Variants in COBL observed in about 807,000 individuals in gnomAD.
COBL encodes the protein cordon-bleu WH2 repeat protein, also known as protein cordon-bleu.
Under a neutral mutation model 98.8 loss-of-function variants are expected in COBL, and 51 were observed. The ratio of observed to expected loss-of-function variants is 0.52; its 90% CI spans 0.41 to 0.65. The LOEUF (loss-of-function observed/expected upper bound fraction) is 0.65, where lower values mean the gene tolerates loss of function less well. Among genes scored for constraint, COBL ranks in the 30% least tolerant of loss-of-function variants. The probability of loss-of-function intolerance (pLI) is 0.00; values close to 1 mark genes in which losing one functional copy is unlikely to be tolerated. For missense variants in COBL, 1,617 were observed against 1,617.5 expected, an observed-to-expected ratio of 1.00 and a Z score of 0.01; for synonymous variants, 634 against 651.7, an observed-to-expected ratio of 0.97 and a Z score of 0.41.
intron 6 of COBL, among the ~76,000 whole-genome samples, chr7:51,133,245 GAGA>G (rs1408146258): frequency 6.6e-6 from 1 of 152,188 alleles, no homozygotes; most frequent in East Asian, 1.9e-4. Flanking sequence ...GGGTCCCAGT[GAGA>G]AGGAGTGGAC....
Position 51,054,609 on chromosome 7 carries a change from G to A in COBL, c.1097-10917C>T, listed in dbSNP as rs199897039. Among the ~76,000 whole-genome samples the A allele has an allele frequency of 9.2e-5, 14 of 152,216 alleles. No homozygotes were observed. In the East Asian group the frequency reaches 1.2e-3, roughly 13 times the overall value. On this transcript the variant is annotated intron_variant, in intron 7 of 12. Coordinates refer to ENST00000265136, the MANE Select transcript of COBL (RefSeq NM_015198.5). Reference sequence around the variant, plus strand: ...GCTGTGGGCCCCGTTCCTCTCTGCCGCTTGGCCAGGGGCCCTCGGAACCCC... The same window carrying A: ...GCTGTGGGCCCCGTTCCTCTCTGCCACTTGGCCAGGGGCCCTCGGAACCCC...
chr7:51,148,323 C>T (rs548863182), intron 5 of COBL, among the ~76,000 whole-genome samples: 21 of 152,250 alleles, frequency 1.4e-4, no homozygotes, highest in African/African-American at 2.4e-4. Context: ...TCACAGCTCA[C>T]GCTCCACCTC....
At chr7:51,281,754 C>A (rs1010078543) in intron 1 of COBL, among the ~76,000 whole-genome samples, 12 of 151,932 alleles carry the variant, frequency 7.9e-5, no homozygotes, top group Admixed American at 7.9e-4. Context: ...GAATTCACTG[C>A]CAGCAGGCCT....
intron 7 of COBL, among the ~76,000 whole-genome samples, chr7:51,064,028 C>T (rs1004660863): frequency 6.6e-6 from 1 of 152,194 alleles, no homozygotes; most frequent in African/African-American, 2.4e-5. Flanking sequence ...AGTGCAAGAC[C>T]CTCAGCACCC....
intron 6 of COBL, among the ~76,000 whole-genome samples, chr7:51,130,332 A>C (rs951843922): frequency 2.6e-5 from 4 of 152,168 alleles, no homozygotes. Context: ...GAGCCCTCTA[A>C]TTAGTGTGAA....
chr7:51,154,713 G>T (rs928014599), intron 5 of COBL, among the ~76,000 whole-genome samples: 3 of 152,168 alleles, frequency 2.0e-5, no homozygotes, highest in African/African-American at 7.2e-5. Context: ...GGAGAGGAAT[G>T]GGCATGGGCA....
intron 6 of COBL, among the ~76,000 whole-genome samples, chr7:51,095,935 A>G (rs1428996540): frequency 6.6e-6 from 1 of 152,188 alleles, no homozygotes; most frequent in African/African-American, 2.4e-5. Flanking sequence ...AAACACAATT[A>G]AAGTAGGATA....
chr7:51,240,841 C>A lies in COBL; in HGVS notation c.42-20897G>T, dbSNP rs147357199. On this transcript the variant is annotated intron_variant, in intron 1 of 12. Transcript: ENST00000265136. ...TACAGGCATGAACCACCGTGCCCAG[C>A]CTACTATTATTTTAAATTAGGTACT... 3.6e-3 allele frequency among the ~76,000 whole-genome samples: 552 copies of A among 152,274 alleles called. 1 individual carries two copies. Among genetic ancestry groups the A allele is most frequent in the African/African-American group, 0.013 (534 of 41,548 alleles).
intron 1 of COBL, among the ~76,000 whole-genome samples, chr7:51,237,198 C>T (rs1428060990): frequency 6.6e-6 from 1 of 152,164 alleles, no homozygotes; most frequent in Non-Finnish European, 1.5e-5. Context: ...CCCTCATTTG[C>T]TTTGACTTAG....
chr7:51,131,330 GAATA>G (rs1798714666), intron 6 of COBL, among the ~76,000 whole-genome samples: 2 of 152,190 alleles, frequency 1.3e-5, no homozygotes, highest in African/African-American at 4.8e-5. Flanking sequence ...TATATTGACT[GAATA>G]AATGAATAAC....
At chr7:51,083,201 G>T (rs2128937408) in intron 7 of COBL, 1 of 1,462,402 alleles carries the variant, frequency 6.8e-7, no homozygotes, top group African/African-American at 1.4e-5. Context: ...GCCTCTGGGA[G>T]GCTTTTGTGG....
intron 1 of COBL, among the ~76,000 whole-genome samples, chr7:51,283,693 CAGGCTT>C (rs543574331): frequency 8.7e-4 from 132 of 152,202 alleles, no homozygotes; most frequent in African/African-American, 3.1e-3. Flanking sequence ...CCATGTTGGT[CAGGCTT>C]ATCTCAAACA....
chr7:51,028,349 G>A lies in COBL; in HGVS notation c.2747C>T (p.Ser916Phe). The A allele has an allele frequency of 6.2e-7, 1 of 1,614,254 alleles. No individual in the cohort carries two copies. The highest frequency in any genetic ancestry group is 1.6e-4 in the Middle Eastern group (1 of 6,062). ...PPVTVKDDRT[S>F]SPHSETQGWK... ...TCCTTGTGTCTCTGAGTGTGGGCTG[G>A]ATGTCCTGTCATCTTTCACAGTGAC... The change falls in exon 10 of 13, where the codon TCC becomes TTC. Residue 916 changes from serine to phenylalanine, a missense_variant. Ser to Phe is a radical substitution (Grantham distance 155, BLOSUM62 -2). Transcript: ENST00000265136.
chr7:51,147,801 A>G (rs1785176866), intron 5 of COBL, among the ~76,000 whole-genome samples: 2 of 149,628 alleles, frequency 1.3e-5, no homozygotes, highest in South Asian at 2.1e-4. Flanking sequence ...TCCAGGCTGG[A>G]GTGCAGTGGC....
chr7:51,272,463 A>C (rs1015650800), intron 1 of COBL, among the ~76,000 whole-genome samples: 1 of 152,218 alleles, frequency 6.6e-6, no homozygotes, highest in Admixed American at 6.5e-5. Flanking sequence ...AAATAGTTAA[A>C]ATTAGAAGAA....
chr7:51,092,857 C>CA (rs1306946282), intron 6 of COBL, among the ~76,000 whole-genome samples: 1 of 152,084 alleles, frequency 6.6e-6, no homozygotes, highest in African/African-American at 2.4e-5. Flanking sequence ...TGTGTAGGAT[C>CA]ACTTTGGGTA....
chr7:51,126,150 A>G (rs1798185413), intron 6 of COBL, among the ~76,000 whole-genome samples: 1 of 152,226 alleles, frequency 6.6e-6, no homozygotes, highest in South Asian at 2.1e-4. Context: ...CAACATGGCG[A>G]AACCCCATCT....
At chr7:51,285,317 C>T (rs1221122846) in intron 1 of COBL, among the ~76,000 whole-genome samples, 5 of 149,810 alleles carry the variant, frequency 3.3e-5, no homozygotes, top group Admixed American at 6.7e-5. Context: ...CAAATTTGGA[C>T]AGAGAGAAAT....
chr7:51,100,912 A>G (rs1795744735), intron 6 of COBL, among the ~76,000 whole-genome samples: 1 of 97,766 alleles, frequency 1.0e-5, no homozygotes, highest in Non-Finnish European at 2.2e-5. Flanking sequence ...TCAATAAGAA[A>G]CAAAAAAAAA....
Sources: allele counts gnomAD v4.1 joint callset (sites outside exome capture counted in the v4.1 genomes callset), GRCh38; gene constraint gnomAD v4.1.1; transcripts MANE v1.5; gene names NCBI Gene and HGNC (gene_info 2026-07-23, HGNC 2026-07-21).